MTERF1: variants seen among roughly 807,000 people sequenced by gnomAD.
MTERF1 encodes mitochondrial transcription termination factor 1.
In MTERF1, 29 loss-of-function variants were observed where a neutral mutation model predicts 31.6. The ratio of observed to expected loss-of-function variants is 0.92; its 90% confidence interval spans 0.68 to 1.25. The LOEUF is 1.25. MTERF1 is among the 50% of genes most tolerant of loss of function. The pLI is 0.00. For synonymous variants in MTERF1, 152 were observed against 164.1 expected (o/e 0.93, Z 0.57); for missense variants, 500 against 469.1 (o/e 1.07, Z -0.61).
At position 91,872,907 on chromosome 7, in the gene MTERF1, C is replaced by T. The variant is rs771235125; in HGVS notation, c.*687G>A. ...TAAACTATATTAGGCAAACATATTCCTTTATTTAGATTTTATATTCACATT... is the reference window on the plus strand; with the variant it reads ...TAAACTATATTAGGCAAACATATTCTTTTATTTAGATTTTATATTCACATT... On this transcript the variant is annotated 3_prime_UTR_variant, in exon 3 of 3. Transcript: ENST00000351870. 11 of 152,028 alleles carry T rather than the reference C, an allele frequency of 7.2e-5. No individual in the cohort carries two copies. The highest frequency in any genetic ancestry group is 1.3e-4 in the Non-Finnish European group (9 of 67,986). The allele number at this position is 152,028 out of a possible 1,614,324, so 9.4% of individuals were successfully genotyped here. A position where few individuals can be genotyped will look rare whatever the true frequency, so the allele number is the denominator to read the frequency against.
chr7:91,876,050 T>C (rs193276914), intron 2 of MTERF1, among the ~76,000 whole-genome samples: 292 of 152,328 alleles, frequency 1.9e-3, no homozygotes, highest in African/African-American at 6.5e-3. Context: ...GCTGTTTGCA[T>C]CTGTTACACA....
chr7:91,879,241 A>G (rs1295629193), intron 2 of MTERF1, among the ~76,000 whole-genome samples: 1 of 152,252 alleles, frequency 6.6e-6, no homozygotes, highest in Non-Finnish European at 1.5e-5. Context: ...ATGGCCACCA[A>G]TAGAATAATT....
Position 91,872,250 on chromosome 7 carries a change from A to G in MTERF1, c.*1344T>C, listed in dbSNP as rs906283552. On this transcript the variant is annotated 3_prime_UTR_variant, in exon 3 of 3. Transcript: ENST00000351870. ...TTAAATAGGTAAATTGAATATGTGA[A>G]TTATGTATAAAGCTGCTTTTTAAAA... The G allele has an allele frequency of 6.6e-6, 1 of 152,250 alleles. No individual in the cohort carries two copies. Among genetic ancestry groups the G allele is most frequent in the Non-Finnish European group, 1.5e-5 (1 of 68,048 alleles). The allele number at this position is 152,250 out of a possible 1,614,324, so 9.4% of individuals were successfully genotyped here.
Position 91,880,067 on chromosome 7 carries a change from A to G in MTERF1, c.17T>C (p.Leu6Ser). 6.2e-7 allele frequency: 1 copy of G among 1,614,012 alleles called. No homozygotes were observed. Among genetic ancestry groups the G allele is most frequent in the Non-Finnish European group, 8.5e-7 (1 of 1,179,960 alleles). MQSLS[L>S]GQTSISKGLN... Reference sequence around the variant, plus strand: ...ATGCATTTCTCACCTTGTTTGTCCTAAGGAAAGGCTCTGCATCCCTCCAGA... The same window carrying G: ...ATGCATTTCTCACCTTGTTTGTCCTGAGGAAAGGCTCTGCATCCCTCCAGA... The change falls in exon 2 of 3, where the codon TTA (leucine) becomes TCA (serine). Residue 6 changes from leucine (L) to serine (S), a missense_variant. By Grantham distance (145) the Leu-to-Ser change is moderately radical. Transcript: ENST00000351870.
Position 91,880,112 on chromosome 7 carries a change from C to A in MTERF1, c.-29G>T. The stretch of plus-strand genomic sequence containing the variant: ...TCCAGAAAGGCTGGAGAACAGCTAT[C>A]TCTGGAAATGACACACACACACAAA... On this transcript the variant is annotated splice_region_variant and 5_prime_UTR_variant, in exon 2 of 3. Coordinates refer to ENST00000351870, the MANE Select transcript of MTERF1 (RefSeq NM_006980.5). 3 of 1,613,070 alleles carry A rather than the reference C, an allele frequency of 1.9e-6. No homozygotes were observed. Among genetic ancestry groups the A allele is most frequent in the Non-Finnish European group, 2.5e-6 (3 of 1,179,722 alleles).
intron 2 of MTERF1, among the ~76,000 whole-genome samples, chr7:91,878,968 C>T (rs150578022): frequency 0.026 from 3,904 of 152,148 alleles, 172 homozygotes; most frequent in African/African-American, 0.09. Context: ...CATGACGAAA[C>T]CCCATCTCTA....
intron 2 of MTERF1, among the ~76,000 whole-genome samples, chr7:91,877,384 T>C (rs1406954796): frequency 1.3e-5 from 2 of 148,942 alleles, no homozygotes; most frequent in Non-Finnish European, 2.9e-5. Flanking sequence ...ATTTCATGTC[T>C]TGTGTATAAC....
intron 1 of MTERF1, 160 bp downstream of exon 1, chr7:91,880,497 T>G (rs1476651047): frequency 5.0e-6 from 1 of 199,454 alleles, no homozygotes; most frequent in Non-Finnish European, 1.0e-5. Context: ...TGGGTCTTTC[T>G]TAACTCAAAA....
intron 2 of MTERF1, 112 bp downstream of exon 2, chr7:91,879,943 A>T: frequency 1.5e-6 from 2 of 1,305,764 alleles, no homozygotes; most frequent in Non-Finnish European, 2.2e-6. Context: ...CTGGCCTGTT[A>T]AAAAGGCTGT....
chr7:91,875,321 G>T, intron 2 of MTERF1, among the ~76,000 whole-genome samples: 1 of 152,014 alleles, frequency 6.6e-6, no homozygotes, highest in East Asian at 1.9e-4. Context: ...CACTATCATG[G>T]CTCGTTGCAG....
chr7:91,875,724 A>G (rs1270912039), intron 2 of MTERF1, among the ~76,000 whole-genome samples: 1 of 152,184 alleles, frequency 6.6e-6, no homozygotes, highest in East Asian at 1.9e-4. Context: ...TCCATCTTGA[A>G]CATCTTTTCC....
Position 91,873,777 on chromosome 7 carries a change from G to A in MTERF1, c.1017C>T (p.Asn339=), listed in dbSNP as rs914906432. The change falls in exon 3 of 3, where the codon AAC becomes AAT. Residue 339 remains asparagine, a synonymous_variant. Transcript: ENST00000351870. The part of the protein sequence containing the change: ...NDKIDCLMEE[N]ISISQIIENP... ...TTTCGATTATTTGTGAAATGCTAAT[G>A]TTTTCTTCCATGAGGCAGTCTATTT... 4.3e-6 allele frequency: 7 copies of A among 1,613,944 alleles called. No homozygotes were observed. Among genetic ancestry groups the A allele is most frequent in the Non-Finnish European group, 5.1e-6 (6 of 1,180,006 alleles).
intron 1 of MTERF1, chr7:91,880,353 T>C (rs1789473593): frequency 2.3e-6 from 1 of 430,256 alleles, no homozygotes; most frequent in Non-Finnish European, 4.2e-6. Flanking sequence ...GTGCTTCATA[T>C]ATATTGTCTC....
chr7:91,874,721 T>C lies in MTERF1; in HGVS notation c.73A>G (p.Asn25Asp), dbSNP rs773621363. Reference sequence around the variant, plus strand: ...AAGTTATTTCTCATATGCCAGAGGTTTCCTGGTGCCATAATGGTTAGGTAG... The same window carrying C: ...AAGTTATTTCTCATATGCCAGAGGTCTCCTGGTGCCATAATGGTTAGGTAG... ...LNYLTIMAPG[N>D]LWHMRNNFLF... Residue 25 changes from asparagine (N) to aspartate (D), a missense_variant, in exon 3 of 3, where the codon AAC becomes GAC. Coordinates refer to ENST00000351870, the MANE Select transcript of MTERF1 (RefSeq NM_006980.5). 2 of 1,613,632 alleles carry C rather than the reference T, an allele frequency of 1.2e-6. No homozygotes were observed. The highest frequency in any genetic ancestry group is 4.5e-5 in the East Asian group (2 of 44,868).
chr7:91,880,008 T>C (rs772755612), intron 2 of MTERF1, 47 bp downstream of exon 2: 4 of 1,609,104 alleles, frequency 2.5e-6, no homozygotes, highest in South Asian at 1.1e-5. Flanking sequence ...CTGGTCTTCT[T>C]TTGATACAGC....
In MTERF1 at chr7:91,873,817, T is replaced by C. The variant is rs768470153; in HGVS notation, c.977A>G (p.Lys326Arg). The change falls in exon 3 of 3, where the codon AAA (lysine) becomes AGA (arginine). Residue 326 changes from lysine (K) to arginine (R), a missense_variant. Physicochemically the swap from Lys to Arg is conservative, Grantham distance 26 (BLOSUM62 2). Transcript: ENST00000351870. ...GCAGTCTATTTTATCATTAAACTTT[T>C]TCTCTGCCAAGAAGATCACATCTGG... ...SYPDVIFLAEKKFNDKIDCLM... is the reference protein window; with the variant it reads ...SYPDVIFLAERKFNDKIDCLM... The C allele has an allele frequency of 6.2e-7, 1 of 1,614,178 alleles. No individual in the cohort carries two copies. Among genetic ancestry groups the C allele is most frequent in the Non-Finnish European group, 8.5e-7 (1 of 1,180,024 alleles).
Position 91,871,068 on chromosome 7 carries a change from G to C in MTERF1, c.*2526C>G, listed in dbSNP as rs1190927813. 1 of 151,662 alleles carries C rather than the reference G, an allele frequency of 6.6e-6. No homozygotes were observed. Among genetic ancestry groups the C allele is most frequent in the Non-Finnish European group, 1.5e-5 (1 of 67,994 alleles). The allele number at this position is 151,662 out of a possible 1,614,324, so 9.4% of individuals were successfully genotyped here. On this transcript the variant is annotated 3_prime_UTR_variant, in exon 3 of 3. Transcript: ENST00000351870. The stretch of plus-strand genomic sequence containing the variant: ...TTACAGGCGTGAGCTGGGATTACAT[G>C]GCTGGCCAATATTTCTATAATTCTA...
Position 91,873,665 on chromosome 7 carries a change from T to C in MTERF1, c.1129A>G (p.Asn377Asp). 6.2e-7 allele frequency: 1 copy of C among 1,614,072 alleles called. No individual in the cohort carries two copies. The highest frequency in any genetic ancestry group is 8.5e-7 in the Non-Finnish European group (1 of 1,179,986). ...VNAGCNLSTL[N>D]ITLLSWSKKR... ...TTACTCCAAGATAGAAGAGTGATGT[T>C]TAAAGTACTCAAGTTACAGCCAGCA... The change falls in exon 3 of 3, where the codon AAC (asparagine) becomes GAC (aspartate). Residue 377 changes from asparagine to aspartate, a missense_variant. Asn to Asp is a conservative substitution (Grantham distance 23). Transcript: ENST00000351870.
At position 91,873,499 on chromosome 7, in the gene MTERF1, C is replaced by T. The variant is rs1274138167; in HGVS notation, c.*95G>A. 1 of 1,079,756 alleles carries T rather than the reference C, an allele frequency of 9.3e-7. No individual in the cohort carries two copies. The highest frequency in any genetic ancestry group is 1.6e-5 in the African/African-American group (1 of 62,498). 66.9% of individuals were successfully genotyped at this position (1,079,756 alleles called of 1,614,324 possible). ...AGGATAATCTCCCCATCTCAAGGCCCTTAATAACATTTTAAATTAATCACT... is the reference window on the plus strand; with the variant it reads ...AGGATAATCTCCCCATCTCAAGGCCTTTAATAACATTTTAAATTAATCACT... On this transcript the variant is annotated 3_prime_UTR_variant, in exon 3 of 3. Transcript: ENST00000351870.
Sources: gnomAD v4.1 joint callset for allele counts (sites outside exome capture counted in the v4.1 genomes callset) on GRCh38, gnomAD v4.1.1 for gene constraint, MANE v1.5 for transcripts, NCBI Gene and HGNC (gene_info 2026-07-23, HGNC 2026-07-21) for gene names.